The following TP63 variants were observed in gnomAD, a reference collection of about 807,000 sequenced individuals.
The protein encoded by TP63 is tumor protein p63.
TP63 carries 17 observed loss-of-function variants against 82.8 expected under a neutral mutation model. The ratio of observed to expected loss-of-function variants is 0.21; its 90% CI spans 0.14 to 0.31. TP63 has a LOEUF of 0.31. Among genes scored for constraint, TP63 ranks in the 10% least tolerant of loss-of-function variants. The pLI, the probability that TP63 is intolerant of heterozygous loss-of-function variation, is 1.00. For missense variants in TP63, 648 were observed against 895.3 expected (o/e 0.72, Z 3.52); for synonymous variants, 330 against 321.7 (o/e 1.03, Z -0.28).
At position 189,819,996 on chromosome 3, in the gene TP63, G is replaced by A. The variant is rs147730291; in HGVS notation, c.579+11470G>A. 6.2e-3 allele frequency among the ~76,000 whole-genome samples: 935 copies of A among 152,006 alleles called. 12 individuals carry two copies. Among genetic ancestry groups the A allele is most frequent in the African/African-American group, 0.021 (881 of 41,474 alleles). ...GAACTCCTGACCTTGTGATCCACCC[G>A]CCTCGGCCTCCCAAAGTGCTGGGAT... is the stretch of plus-strand genomic sequence containing the variant. On this transcript the variant is annotated intron_variant, in intron 4 of 13. Coordinates refer to ENST00000264731, the MANE Select transcript of TP63 (RefSeq NM_003722.5).
At chr3:189,663,582 C>T (rs1920276) in intron 1 of TP63, among the ~76,000 whole-genome samples, 64,011 of 135,294 alleles carry the variant, frequency 0.47, 15,473 homozygotes, top group Middle Eastern at 0.74. Context: ...GGCTGGAGTT[C>T]GGCAGTACAA....
Position 189,873,196 on chromosome 3 carries a change from C to T in TP63, c.1349+201C>T, listed in dbSNP as rs1254978141. 3 of 697,706 alleles carry T rather than the reference C, an allele frequency of 4.3e-6. No individual in the cohort carries two copies. The Admixed American group carries it at 7.5e-5, about 17-fold the overall frequency. 43.2% of individuals were successfully genotyped at this position (697,706 alleles called of 1,614,324 possible). The stretch of plus-strand genomic sequence containing the variant: ...TTATAACCTTCCCTTCAGAATTCCA[C>T]TTATGTTCTGAAATTAAATACAAAC... On this transcript the variant is annotated intron_variant, in intron 10 of 13. Transcript: ENST00000264731.
intron 1 of TP63, among the ~76,000 whole-genome samples, chr3:189,730,267 T>C (rs548746572): frequency 6.6e-6 from 1 of 152,332 alleles, no homozygotes; most frequent in South Asian, 2.1e-4. Flanking sequence ...GAGAGTCAGT[T>C]CCTTCTGGCA....
At chr3:189,752,458 A>G (rs1383313530) in intron 3 of TP63, among the ~76,000 whole-genome samples, 2 of 152,098 alleles carry the variant, frequency 1.3e-5, no homozygotes, top group Non-Finnish European at 2.9e-5. Context: ...TAAGATTACA[A>G]TTGTGAGCCA....
chr3:189,838,582 C>A (rs866404516), intron 4 of TP63, among the ~76,000 whole-genome samples: 1 of 152,008 alleles, frequency 6.6e-6, no homozygotes, highest in Non-Finnish European at 1.5e-5. Context: ...TCCCCAAGCA[C>A]CCCCTACACC....
chr3:189,889,195 T>G, intron 11 of TP63, 145 bp from the exon 12 acceptor site: 1 of 1,162,530 alleles, frequency 8.6e-7, no homozygotes, highest in Non-Finnish European at 1.3e-6. Flanking sequence ...GTAGGCTGTT[T>G]GAAGGGGTGT....
intron 1 of TP63, among the ~76,000 whole-genome samples, chr3:189,708,463 T>C (rs558110633): frequency 1.3e-5 from 2 of 152,312 alleles, no homozygotes; most frequent in South Asian, 4.1e-4. Context: ...TTTAATTTGG[T>C]GGATTAATTT....
chr3:189,768,352 A>T (rs1410745567), intron 3 of TP63, among the ~76,000 whole-genome samples: 2 of 152,122 alleles, frequency 1.3e-5, no homozygotes, highest in Non-Finnish European at 2.9e-5. Context: ...TTTGTATAGA[A>T]GTTACAATAT....
intron 1 of TP63, among the ~76,000 whole-genome samples, chr3:189,659,864 T>C (rs1411052984): frequency 6.6e-6 from 1 of 152,104 alleles, no homozygotes; most frequent in African/African-American, 2.4e-5. Flanking sequence ...TTTTGAGAAG[T>C]TTCTGTTTAC....
intron 1 of TP63, among the ~76,000 whole-genome samples, chr3:189,648,602 CT>C (rs1385754775): frequency 6.8e-6 from 1 of 147,090 alleles, no homozygotes; most frequent in Non-Finnish European, 1.5e-5. Flanking sequence ...AAAAAAGAAA[CT>C]TTTCTCTCTC....
At chr3:189,783,717 C>T (rs1332186668) in intron 3 of TP63, among the ~76,000 whole-genome samples, 1 of 151,712 alleles carries the variant, frequency 6.6e-6, no homozygotes, top group Non-Finnish European at 1.5e-5. Context: ...GGCTAATGAA[C>T]ATATTGAAAC....
chr3:189,892,748 C>T (rs1253526482), intron 13 of TP63, among the ~76,000 whole-genome samples: 5 of 152,098 alleles, frequency 3.3e-5, no homozygotes, highest in South Asian at 2.1e-4. Flanking sequence ...GCCGAGATCA[C>T]GCCACTGCAC....
At chr3:189,621,282 C>A in the TP63 span, among the ~76,000 whole-genome samples, 16 of 151,932 alleles carry the variant, frequency 1.1e-4, no homozygotes, top group African/African-American at 3.9e-4. Flanking sequence ...ATTTTCCATA[C>A]CATGGAAATA....
intron 10 of TP63, among the ~76,000 whole-genome samples, chr3:189,881,967 T>C (rs1204942235): frequency 6.6e-6 from 1 of 151,624 alleles, no homozygotes; most frequent in Admixed American, 6.6e-5. Context: ...TTTTTACTTA[T>C]GTTTTGAGCC....
At chr3:189,703,427 A>AATAGATAGATGATAGATAG (rs1553816187) in intron 1 of TP63, among the ~76,000 whole-genome samples, 1 of 143,142 alleles carries the variant, frequency 7.0e-6, no homozygotes, top group African/African-American at 2.6e-5. Context: ...CCCTGTCTAA[A>AATAGATAGATGATAGATAG]ATAGATAGAT....
the TP63 span, among the ~76,000 whole-genome samples, chr3:189,617,547 T>C: frequency 6.6e-6 from 1 of 152,124 alleles, no homozygotes; most frequent in Non-Finnish European, 1.5e-5. Context: ...CACTCCAGGA[T>C]TTTTCTGAGT....
chr3:189,599,054 T>A, the TP63 span, among the ~76,000 whole-genome samples: 1 of 152,108 alleles, frequency 6.6e-6, no homozygotes, highest in Non-Finnish European at 1.5e-5. Flanking sequence ...CACTTCAGAG[T>A]CCTTCCTCTT....
chr3:189,835,416 A>C (rs2077434156), intron 4 of TP63, among the ~76,000 whole-genome samples: 1 of 152,184 alleles, frequency 6.6e-6, no homozygotes, highest in Non-Finnish European at 1.5e-5. Flanking sequence ...ACTGTGTCCT[A>C]ATTGTAAATG....
rs113882758 is a variant in TP63, at chr3:189,755,201, C to T, written c.324+16427C>T. ...AGTTACTGGTGCATAAATATACAGC[C>T]GAATATAAATTGTCATTCTTGCTGG... On this transcript the variant is annotated intron_variant, in intron 3 of 13. Transcript: ENST00000264731. 5.5e-3 allele frequency among the ~76,000 whole-genome samples: 837 copies of T among 152,126 alleles called. 10 individuals are homozygous for T. The highest frequency in any genetic ancestry group is 0.019 in the African/African-American group (809 of 41,498).
Sources: allele counts gnomAD v4.1 joint callset (sites outside exome capture counted in the v4.1 genomes callset), GRCh38; gene constraint gnomAD v4.1.1; transcripts MANE v1.5; gene names NCBI Gene and HGNC (gene_info 2026-07-23, HGNC 2026-07-21).